The following CCDC30 variants were observed in gnomAD, a reference collection of about 807,000 sequenced individuals.
The protein encoded by CCDC30 is coiled-coil domain containing 30.
CCDC30 carries 70 observed loss-of-function variants against 100.2 expected under a neutral mutation model. That is an observed-to-expected ratio of 0.70 (90% CI 0.58 to 0.85). CCDC30 has a LOEUF of 0.85. CCDC30 is among the 40% of genes least tolerant of loss of function. The pLI is 0.00. For synonymous variants in CCDC30, 233 were observed against 269.5 expected (o/e 0.86, Z 1.33); for missense variants, 652 against 771.2 (o/e 0.85, Z 1.83).
At chr1:42,572,345 A>C (rs1645750174) in intron 7 of CCDC30, among the ~76,000 whole-genome samples, 1 of 152,094 alleles carries the variant, frequency 6.6e-6, no homozygotes. Context: ...GATTTTGTTC[A>C]TATTTATTTG....
chr1:42,635,947 G>A (rs568296253), intron 11 of CCDC30, among the ~76,000 whole-genome samples: 33 of 152,258 alleles, frequency 2.2e-4, no homozygotes, highest in African/African-American at 6.5e-4. Context: ...GTCAGCACTT[G>A]TTATTATCTG....
intron 11 of CCDC30, among the ~76,000 whole-genome samples, chr1:42,631,434 G>C (rs1235730330): frequency 6.6e-6 from 1 of 152,198 alleles, no homozygotes; most frequent in Non-Finnish European, 1.5e-5. Context: ...CCTGAAGCCA[G>C]CACAGCACTG....
At chr1:42,538,716 C>T (rs1234449836) in intron 6 of CCDC30, among the ~76,000 whole-genome samples, 3 of 152,214 alleles carry the variant, frequency 2.0e-5, no homozygotes, top group Non-Finnish European at 4.4e-5. Flanking sequence ...AGGCAGGTCA[C>T]TTAAGATCTC....
chr1:42,509,881 A>C (rs1043572102), intron 6 of CCDC30, among the ~76,000 whole-genome samples: 2 of 152,194 alleles, frequency 1.3e-5, no homozygotes, highest in African/African-American at 4.8e-5. Flanking sequence ...GGTTAAAAAA[A>C]AAACCGTAAA....
intron 6 of CCDC30, among the ~76,000 whole-genome samples, chr1:42,502,340 G>A (rs1189564858): frequency 6.6e-6 from 1 of 152,190 alleles, no homozygotes; most frequent in Admixed American, 6.5e-5. Flanking sequence ...CACAGTATTA[G>A]GGTGGGAGTG....
At chr1:42,641,947 T>TGGGCC (rs1206584733) in intron 12 of CCDC30, among the ~76,000 whole-genome samples, 1 of 152,126 alleles carries the variant, frequency 6.6e-6, no homozygotes, top group Admixed American at 6.5e-5. Context: ...TGACATGGGC[T>TGGGCC]GGGCATGGTG....
chr1:42,606,984 A>G (rs1646514595), intron 10 of CCDC30, among the ~76,000 whole-genome samples: 1 of 152,208 alleles, frequency 6.6e-6, no homozygotes, highest in South Asian at 2.1e-4. Context: ...CATATTGAAA[A>G]TGCAGCTTTT....
At chr1:42,472,987 C>G in intron 1 of CCDC30, 1 of 748,872 alleles carries the variant, frequency 1.3e-6, no homozygotes, top group African/African-American at 1.8e-5. Flanking sequence ...AGGTAGCTTA[C>G]TAGCTTTCTA....
At chr1:42,457,452 G>A in the CCDC30 span, 1 of 995,920 alleles carries the variant, frequency 1.0e-6, no homozygotes. Flanking sequence ...TATTCGCTAG[G>A]CACAGGGGAT....
At chr1:42,542,796 A>G (rs1045724947) in intron 6 of CCDC30, 1 of 103,878 alleles carries the variant, frequency 9.6e-6, no homozygotes, top group Non-Finnish European at 2.2e-5. Context: ...CTCATGATCC[A>G]CCCGCCTCGG....
chr1:42,634,217 G>A (rs1345203081), intron 11 of CCDC30, among the ~76,000 whole-genome samples: 1 of 148,578 alleles, frequency 6.7e-6, no homozygotes, highest in Admixed American at 6.8e-5. Context: ...CACTTGAGCT[G>A]GGGAGATCAA....
chr1:42,605,594 G>A (rs937806697), intron 10 of CCDC30, among the ~76,000 whole-genome samples: 3 of 151,996 alleles, frequency 2.0e-5, no homozygotes, highest in East Asian at 3.9e-4. Flanking sequence ...TCCTCTCACC[G>A]CAGTCTCCCA....
chr1:42,480,216 T>A (rs1486759217), intron 1 of CCDC30, among the ~76,000 whole-genome samples: 1 of 152,208 alleles, frequency 6.6e-6, no homozygotes, highest in Non-Finnish European at 1.5e-5. Context: ...TTTATAATTT[T>A]CCCCACAAAG....
chr1:42,653,124 T>C (rs955700923), intron 15 of CCDC30, among the ~76,000 whole-genome samples: 2 of 152,124 alleles, frequency 1.3e-5, no homozygotes, highest in African/African-American at 4.8e-5. Flanking sequence ...AAGGTGAAGA[T>C]AGTATGTATA....
At chr1:42,571,275 A>G (rs897140491) in intron 7 of CCDC30, 9 of 152,236 alleles carry the variant, frequency 5.9e-5, no homozygotes, top group Non-Finnish European at 1.3e-4. Context: ...AATATTCCAG[A>G]ACACTTGATT....
chr1:42,484,098 A>G (rs938956469), intron 3 of CCDC30, among the ~76,000 whole-genome samples: 1 of 126,312 alleles, frequency 7.9e-6, no homozygotes, highest in African/African-American at 2.7e-5. Flanking sequence ...TAAAACAATA[A>G]TGATTATGCC....
intron 6 of CCDC30, among the ~76,000 whole-genome samples, chr1:42,501,369 C>T (rs956207642): frequency 6.6e-6 from 1 of 152,158 alleles, no homozygotes; most frequent in African/African-American, 2.4e-5. Context: ...TCTGTTAACC[C>T]ATGTGTTTAT....
intron 5 of CCDC30, among the ~76,000 whole-genome samples, chr1:42,497,817 T>G (rs1644252379): frequency 6.6e-6 from 1 of 152,170 alleles, no homozygotes; most frequent in Admixed American, 6.5e-5. Flanking sequence ...ATTGGAACCC[T>G]TTTGCATTGC....
At chr1:42,460,208 C>T (rs1040855091), upstream of CCDC30, 41 of 1,111,020 alleles carry the variant, frequency 3.7e-5, no homozygotes, top group Middle Eastern at 4.0e-4. Flanking sequence ...GAATGTCAGC[C>T]ATCTTTATAC....
Sources: allele counts gnomAD v4.1 joint callset (sites outside exome capture counted in the v4.1 genomes callset), GRCh38; gene constraint gnomAD v4.1.1; transcripts MANE v1.5; gene names NCBI Gene and HGNC (gene_info 2026-07-23, HGNC 2026-07-21).